Variants in UTRN observed in about 807,000 individuals in gnomAD.
UTRN encodes the protein dystrophin-related protein 1.
In UTRN, 283 loss-of-function variants were observed where a neutral mutation model predicts 463.9. The observed-to-expected ratio is 0.61, with a 90% CI of 0.55 to 0.67. UTRN has a LOEUF of 0.67. Ranked by LOEUF, UTRN falls within the 30% of genes least tolerant of loss-of-function variation. The pLI, the probability that UTRN is intolerant of heterozygous loss-of-function variation, is 0.00. For synonymous variants in UTRN, 1,442 were observed against 1,431.5 expected, an observed-to-expected ratio of 1.01 and a Z score of -0.17; for missense variants, 3,922 against 4,084.3, an observed-to-expected ratio of 0.96 and a Z score of 1.08.
chr6:144,485,599 T>C, intron 28 of UTRN, 80 bp downstream of exon 28: 1 of 1,566,920 alleles, frequency 6.4e-7, no homozygotes. Flanking sequence ...ATGTAATGCT[T>C]TACGCAGGCA....
chr6:144,447,739 A>G lies in UTRN; in HGVS notation c.1860A>G (p.Arg620=). 1 of 1,613,894 alleles carries G rather than the reference A, an allele frequency of 6.2e-7. No individual in the cohort carries two copies. The highest frequency in any genetic ancestry group is 8.5e-7 in the Non-Finnish European group (1 of 1,179,880). ...GTGACTCAGAGGAACTGACTCAAAG[A>G]TGGGATTCTTTGGTTCAGAGACTAG... ...INSDSEELTQ[R]WDSLVQRLED... is the part of the protein sequence containing the mutation. The change falls in exon 16 of 75, where the codon AGA becomes AGG. Residue 620 remains arginine (R), a synonymous_variant. Coordinates refer to ENST00000367545, the MANE Select transcript of UTRN (RefSeq NM_007124.3).
At chr6:144,749,445 A>C (rs1791140099) in intron 55 of UTRN, among the ~76,000 whole-genome samples, 1 of 152,152 alleles carries the variant, frequency 6.6e-6, no homozygotes, top group Admixed American at 6.6e-5. Context: ...CTGCCAACAG[A>C]CTTCCAGTTA....
chr6:144,329,542 A>C (rs151186627), intron 2 of UTRN, among the ~76,000 whole-genome samples: 1 of 152,340 alleles, frequency 6.6e-6, no homozygotes, highest in East Asian at 1.9e-4. Flanking sequence ...CTGAAATAAC[A>C]ACGAGCCAAA....
At chr6:144,430,565 T>C (rs951409945) in intron 9 of UTRN, among the ~76,000 whole-genome samples, 1 of 152,198 alleles carries the variant, frequency 6.6e-6, no homozygotes, top group African/African-American at 2.4e-5. Context: ...CTGTTGCTAC[T>C]TGTTTTGGGT....
chr6:144,457,900 T>C (rs1789026079), intron 19 of UTRN, among the ~76,000 whole-genome samples: 1 of 152,242 alleles, frequency 6.6e-6, no homozygotes. Flanking sequence ...GCCATCCTTT[T>C]GGTATGCATG....
intron 58 of UTRN, among the ~76,000 whole-genome samples, chr6:144,761,934 A>C (rs191858311): frequency 2.0e-5 from 3 of 152,296 alleles, no homozygotes; most frequent in African/African-American, 7.2e-5. Context: ...CCACAGAAAT[A>C]ATAATAACAT....
rs1008842283 is a variant in UTRN, at chr6:144,638,370, G to A, written c.7480-40036G>A. Among the ~76,000 whole-genome samples the A allele has an allele frequency of 3.9e-5, 6 of 152,144 alleles. 2 individuals are homozygous for A. In the South Asian group the frequency reaches 1.2e-3, roughly 32 times the overall value. On this transcript the variant is annotated intron_variant, in intron 51 of 74. Coordinates refer to ENST00000367545, the MANE Select transcript of UTRN (RefSeq NM_007124.3). ...ATAGAAAAAATAGTTCATGTTTTTT[G>A]TCATTCTTTCAGACTGCAGTGTTTT...
chr6:144,490,821 T>G, intron 31 of UTRN, 108 bp from the exon 32 acceptor site: 1 of 1,278,672 alleles, frequency 7.8e-7, no homozygotes, highest in Admixed American at 2.8e-5. Flanking sequence ...TTCTGAATTT[T>G]TTTCTTTTGG....
chr6:144,459,087 G>C (rs1471165686), intron 20 of UTRN, 76 bp downstream of exon 20: 2 of 1,562,718 alleles, frequency 1.3e-6, no homozygotes, highest in African/African-American at 1.4e-5. Flanking sequence ...CTCGTATCAT[G>C]AACTTTAAGT....
At chr6:144,804,046 C>T (rs1487779191) in intron 65 of UTRN, among the ~76,000 whole-genome samples, 1 of 152,112 alleles carries the variant, frequency 6.6e-6, no homozygotes, top group East Asian at 1.9e-4. Flanking sequence ...AAGTTATCCT[C>T]ATGTTCTATT....
At chr6:144,769,763 G>A (rs977671750) in intron 58 of UTRN, among the ~76,000 whole-genome samples, 8 of 152,126 alleles carry the variant, frequency 5.3e-5, no homozygotes, top group African/African-American at 9.7e-5. Flanking sequence ...TACTGTTGTC[G>A]TGGGGATTGA....
intron 58 of UTRN, among the ~76,000 whole-genome samples, chr6:144,761,186 TAA>T (rs1280712157): frequency 7.9e-5 from 12 of 152,322 alleles, no homozygotes; most frequent in Non-Finnish European, 1.3e-4. Context: ...GTTAATATCT[TAA>T]GTTAAAACTA....
At chr6:144,816,617 T>G (rs1355118359) in intron 65 of UTRN, among the ~76,000 whole-genome samples, 1 of 150,828 alleles carries the variant, frequency 6.6e-6, no homozygotes, top group African/African-American at 2.5e-5. Context: ...TATTCCTTCA[T>G]GTATATTTTA....
chr6:144,720,897 A>G (rs796836644), intron 53 of UTRN, among the ~76,000 whole-genome samples: 12 of 152,250 alleles, frequency 7.9e-5, no homozygotes, highest in African/African-American at 2.6e-4. Context: ...CTTCCCCTTT[A>G]TACTATAAGT....
chr6:144,634,272 A>C (rs1776858291), intron 51 of UTRN, among the ~76,000 whole-genome samples: 1 of 152,176 alleles, frequency 6.6e-6, no homozygotes, highest in Non-Finnish European at 1.5e-5. Context: ...TCTTGAATTG[A>C]GGAGCTTGGG....
At chr6:144,317,389 CTGATATATA>C (rs1235840675) in intron 2 of UTRN, among the ~76,000 whole-genome samples, 1 of 152,118 alleles carries the variant, frequency 6.6e-6, no homozygotes, top group Non-Finnish European at 1.5e-5. Context: ...ACATTCCAAT[CTGATATATA>C]TATTTATTTT....
Position 144,852,120 on chromosome 6 carries a change from C to T in UTRN, c.*1123C>T, listed in dbSNP as rs1264879778. Reference sequence around the variant, plus strand: ...ACATTTAGTGCACGGCTTATTTTACCTTTCGGGTGAAAGATCAGATGTTTT... The same window carrying T: ...ACATTTAGTGCACGGCTTATTTTACTTTTCGGGTGAAAGATCAGATGTTTT... On this transcript the variant is annotated 3_prime_UTR_variant, in exon 75 of 75. Transcript: ENST00000367545. The T allele has an allele frequency of 1.3e-5, 2 of 152,102 alleles. No individual in the cohort carries two copies. The highest frequency in any genetic ancestry group is 2.9e-5 in the Non-Finnish European group (2 of 68,020). The allele number at this position is 152,102 out of a possible 1,614,324, so 9.4% of individuals were successfully genotyped here. A position where few individuals can be genotyped will look rare whatever the true frequency, so the allele number is the denominator to read the frequency against.
chr6:144,298,765 A>G (rs1022865453), intron 2 of UTRN, among the ~76,000 whole-genome samples: 6 of 152,332 alleles, frequency 3.9e-5, no homozygotes, highest in Admixed American at 2.6e-4. Context: ...TTCAAAGTGT[A>G]GAGAAAAGCA....
chr6:144,461,761 T>C (rs1478134750), intron 22 of UTRN, among the ~76,000 whole-genome samples: 2 of 152,222 alleles, frequency 1.3e-5, no homozygotes, highest in Admixed American at 6.5e-5. Context: ...CACTGCACAC[T>C]TGGCCCACAC....
Sources: allele counts gnomAD v4.1 joint callset (sites outside exome capture counted in the v4.1 genomes callset), GRCh38; gene constraint gnomAD v4.1.1; transcripts MANE v1.5; gene names NCBI Gene and HGNC (gene_info 2026-07-23, HGNC 2026-07-21).